CLIP1: variants seen among roughly 807,000 people sequenced by gnomAD.
The protein encoded by CLIP1 is CAP-Gly domain-containing linker protein 1.
Under a neutral mutation model 161.6 loss-of-function variants are expected in CLIP1, and 66 were observed. The observed-to-expected ratio is 0.41, with a 90% CI of 0.33 to 0.50. The LOEUF (loss-of-function observed/expected upper bound fraction) is 0.50. CLIP1 is among the 20% of genes least tolerant of loss of function. CLIP1 has a pLI of 0.27. For missense variants in CLIP1, 1,376 were observed against 1,702.0 expected (o/e 0.81, Z 3.37); for synonymous variants, 598 against 626.2 (o/e 0.96, Z 0.67).
At chr12:122,390,308 A>ATATATGTGTG (rs1955598786) in intron 1 of CLIP1, among the ~76,000 whole-genome samples, 1 of 127,380 alleles carries the variant, frequency 7.9e-6, no homozygotes, top group Non-Finnish European at 1.6e-5. Context: ...ATATATGTAT[A>ATATATGTGTG]TATATATATA....
intron 20 of CLIP1, among the ~76,000 whole-genome samples, chr12:122,292,385 T>C (rs1267091696): frequency 6.6e-6 from 1 of 152,202 alleles, no homozygotes; most frequent in Non-Finnish European, 1.5e-5. Context: ...CTATTTATTT[T>C]GATGCTCGAA....
chr12:122,409,426 T>C (rs1488938068), intron 1 of CLIP1, among the ~76,000 whole-genome samples: 1 of 152,000 alleles, frequency 6.6e-6, no homozygotes, highest in Non-Finnish European at 1.5e-5. Context: ...ACGCCCAGCC[T>C]ATATTTCAAG....
At chr12:122,396,880 C>G (rs1352724466) in intron 1 of CLIP1, among the ~76,000 whole-genome samples, 4 of 151,310 alleles carry the variant, frequency 2.6e-5, no homozygotes, top group Non-Finnish European at 5.9e-5. Context: ...CATCCTTCCA[C>G]CTCAGCCTCC....
chr12:122,402,475 G>A (rs1237397737), intron 1 of CLIP1, among the ~76,000 whole-genome samples: 1 of 152,060 alleles, frequency 6.6e-6, no homozygotes, highest in Non-Finnish European at 1.5e-5. Context: ...CTGGGCAACA[G>A]AGCAAGACCT....
intron 25 of CLIP1, among the ~76,000 whole-genome samples, chr12:122,273,477 C>G (rs1167001285): frequency 6.6e-6 from 1 of 152,154 alleles, no homozygotes; most frequent in Non-Finnish European, 1.5e-5. Flanking sequence ...TCTTGAACTC[C>G]TGACCCCAGG....
chr12:122,352,275 T>C (rs1697965331), intron 8 of CLIP1, among the ~76,000 whole-genome samples: 1 of 152,172 alleles, frequency 6.6e-6, no homozygotes, highest in African/African-American at 2.4e-5. Flanking sequence ...CAGGCTGGTT[T>C]CGAACTCCTG....
At chr12:122,347,008 T>G (rs2136398578) in intron 10 of CLIP1, among the ~76,000 whole-genome samples, 1 of 152,290 alleles carries the variant, frequency 6.6e-6, no homozygotes, top group Non-Finnish European at 1.5e-5. Context: ...TTAGAAAGCC[T>G]AGTAACTAGA....
chr12:122,365,630 T>G, intron 3 of CLIP1: 1 of 887,604 alleles, frequency 1.1e-6, no homozygotes, highest in Non-Finnish European at 1.9e-6. Context: ...ATTCATGGCA[T>G]AATAGATGTT....
rs1566198620 is a variant in CLIP1 at position 122,379,943 on chromosome 12, T to TAAAAAAAAAAAAAAAAAAAAAAAA, written c.85+424_85+425insTTTTTTTTTTTTTTTTTTTTTTTT. ...TGGGGAATAGAGCAAGACTCCATCT[T>TAAAAAAAAAAAAAAAAAAAAAAAA]TAAAAAAAAAAAAAAAAAATGCAAG... On this transcript the variant is annotated intron_variant, in intron 2 of 25. Transcript: ENST00000620786. 5.7e-4 allele frequency among the ~76,000 whole-genome samples: 40 copies of TAAAAAAAAAAAAAAAAAAAAAAAA among 70,390 alleles called. 14 individuals are homozygous for TAAAAAAAAAAAAAAAAAAAAAAAA. In the East Asian group the frequency reaches 0.016, roughly 28 times the overall value. 46.2% of individuals were successfully genotyped at this position (70,390 alleles called of 152,430 possible).
At chr12:122,341,752 A>ATTTTC (rs1232309182) in intron 10 of CLIP1, 55 bp from the exon 11 acceptor site, 33 of 159,584 alleles carry the variant, frequency 2.1e-4, no homozygotes, top group Non-Finnish European at 2.9e-4. Flanking sequence ...GTCATTGACT[A>ATTTTC]TTTTCTTTTC....
At chr12:122,328,928 T>C (rs1328413191) in intron 15 of CLIP1, among the ~76,000 whole-genome samples, 2 of 152,162 alleles carry the variant, frequency 1.3e-5, no homozygotes, top group Non-Finnish European at 2.9e-5. Flanking sequence ...TTACCAGTTA[T>C]GATAGTCACA....
At chr12:122,277,847 G>A (rs1036044047) in intron 24 of CLIP1, 26 of 265,740 alleles carry the variant, frequency 9.8e-5, no homozygotes, top group Admixed American at 9.9e-5. Context: ...AAAAAAAAAA[G>A]GGAGGGAAGA....
chr12:122,339,715 A>G (rs779797338), intron 11 of CLIP1, among the ~76,000 whole-genome samples: 58 of 152,192 alleles, frequency 3.8e-4, no homozygotes, highest in Non-Finnish European at 7.5e-4. Context: ...TGCATTGCTT[A>G]AGAACCAGGA....
At chr12:122,390,207 T>TACACACATATATATACACACATATATAC (rs1955556729) in intron 1 of CLIP1, among the ~76,000 whole-genome samples, 2 of 128,808 alleles carry the variant, frequency 1.6e-5, no homozygotes, top group Non-Finnish European at 1.7e-5. Flanking sequence ...AATATATATA[T>TACACACATATATATACACACATATATAC]ACACACATAT....
chr12:122,357,396 G>A (rs892791758), intron 5 of CLIP1, among the ~76,000 whole-genome samples: 17 of 150,092 alleles, frequency 1.1e-4, no homozygotes, highest in Non-Finnish European at 1.8e-4. Context: ...GAGCCCCTCC[G>A]CCCGGCAGCC....
intron 1 of CLIP1, among the ~76,000 whole-genome samples, chr12:122,394,488 C>CTAA (rs1955818841): frequency 1.7e-5 from 1 of 57,996 alleles, no homozygotes; most frequent in Non-Finnish European, 2.9e-5. Context: ...GACGCTGTCT[C>CTAA]AAAAAAAAAA....
In CLIP1 at chr12:122,278,782, C is replaced by T. The variant is rs757566706; in HGVS notation, c.3916+10G>A. On this transcript the variant is annotated intron_variant, in intron 23 of 25. Coordinates refer to ENST00000620786, the MANE Select transcript of CLIP1 (RefSeq NM_001247997.2). ...GGTGTACAGAGAAGCACTGGGCAGGCGCCCTTTACCTGAGGAGCTGCTGAG... is the reference window on the plus strand; with the variant it reads ...GGTGTACAGAGAAGCACTGGGCAGGTGCCCTTTACCTGAGGAGCTGCTGAG... The T allele has an allele frequency of 7.0e-6, 11 of 1,578,548 alleles. No individual in the cohort carries two copies. The highest frequency in any genetic ancestry group is 2.3e-4 in the Middle Eastern group (1 of 4,280).
chr12:122,312,752 G>C (rs1820224722), intron 19 of CLIP1, among the ~76,000 whole-genome samples: 1 of 152,112 alleles, frequency 6.6e-6, no homozygotes, highest in African/African-American at 2.4e-5. Context: ...GCAACAGAGT[G>C]ACACCCTGTC....
Position 122,315,829 on chromosome 12 carries a change from G to A in CLIP1, c.3473+920C>T, listed in dbSNP as rs188318848. On this transcript the variant is annotated intron_variant, in intron 19 of 25. Transcript: ENST00000620786. The stretch of plus-strand genomic sequence containing the variant: ...CTAATTTCTTTGTATTTTTAGTAGA[G>A]ACGGGGTTTCACCGTGTTAGCCAGG... Among the ~76,000 whole-genome samples, 338 of 151,832 alleles carry A rather than the reference G, an allele frequency of 2.2e-3. 1 individual carries two copies. Among genetic ancestry groups the A allele is most frequent in the Non-Finnish European group, 3.6e-3 (242 of 67,910 alleles).
Sources: allele counts gnomAD v4.1 joint callset (sites outside exome capture counted in the v4.1 genomes callset), GRCh38; gene constraint gnomAD v4.1.1; transcripts MANE v1.5; gene names NCBI Gene and HGNC (gene_info 2026-07-23, HGNC 2026-07-21).